Variants in KLHL1 observed in about 807,000 individuals in gnomAD.
KLHL1 encodes the protein kelch like family member 1.
Under a neutral mutation model 77.7 loss-of-function variants are expected in KLHL1, and 47 were observed. That is an observed-to-expected ratio of 0.60 (90% CI 0.48 to 0.77). KLHL1 has a LOEUF of 0.77. Among genes scored for constraint, KLHL1 ranks in the 30% least tolerant of loss-of-function variants. KLHL1 has a pLI of 0.00. For synonymous variants in KLHL1, 360 were observed against 325.2 expected (o/e 1.11, Z -1.15); for missense variants, 925 against 910.8 (o/e 1.02, Z -0.20).
At chr13:69,994,812 A>G (rs556542645) in intron 1 of KLHL1, among the ~76,000 whole-genome samples, 1 of 152,050 alleles carries the variant, frequency 6.6e-6, no homozygotes, top group African/African-American at 2.4e-5. Context: ...TAGAGGAAAA[A>G]TTTTTTTAAA....
intron 7 of KLHL1, among the ~76,000 whole-genome samples, chr13:69,778,086 T>TAAAG (rs1334051788): frequency 6.6e-6 from 1 of 151,976 alleles, no homozygotes; most frequent in Non-Finnish European, 1.5e-5. Flanking sequence ...AAATAGGCAC[T>TAAAG]AAAGAAGATA....
At chr13:69,889,970 A>T (rs1489885200) in intron 4 of KLHL1, among the ~76,000 whole-genome samples, 1 of 151,830 alleles carries the variant, frequency 6.6e-6, no homozygotes, top group Non-Finnish European at 1.5e-5. Context: ...TATTTTTCTG[A>T]TTATTCAGTC....
chr13:69,764,929 C>CTTTTTTTTTTTTTTATTTTTTTTTT (rs1875207945), intron 7 of KLHL1, among the ~76,000 whole-genome samples: 1 of 39,714 alleles, frequency 2.5e-5, no homozygotes, highest in Non-Finnish European at 4.5e-5. Context: ...TATATCTTTG[C>CTTTTTTTTTTTTTTATTTTTTTTTT]TTTTTTTTTT....
chr13:69,975,854 A>T, intron 1 of KLHL1, 52 bp from the exon 2 acceptor site: 1 of 1,485,506 alleles, frequency 6.7e-7, no homozygotes, highest in Non-Finnish European at 8.9e-7. Context: ...AGGGATTTAT[A>T]AAGAGCCAAT....
chr13:70,005,264 G>T (rs1025917185), intron 1 of KLHL1, among the ~76,000 whole-genome samples: 2 of 151,880 alleles, frequency 1.3e-5, no homozygotes, highest in Non-Finnish European at 2.9e-5. Flanking sequence ...ATGAGCAATA[G>T]TAAAAAAATG....
intron 5 of KLHL1, among the ~76,000 whole-genome samples, chr13:69,870,155 A>T (rs576361091): frequency 6.6e-6 from 1 of 152,272 alleles, no homozygotes; most frequent in South Asian, 2.1e-4. Context: ...TGCACACTTT[A>T]CAAGAGGCAT....
chr13:69,740,088 G>T (rs963141661), intron 8 of KLHL1, among the ~76,000 whole-genome samples: 3 of 152,130 alleles, frequency 2.0e-5, no homozygotes, highest in Non-Finnish European at 2.9e-5. Context: ...ATTATGTAAA[G>T]AAAGATATAT....
At chr13:69,939,366 T>C (rs1362686441) in intron 4 of KLHL1, among the ~76,000 whole-genome samples, 2 of 90,838 alleles carry the variant, frequency 2.2e-5, no homozygotes, top group African/African-American at 8.5e-5. Context: ...TATATATATA[T>C]ATATATATAT....
At chr13:69,751,988 G>T (rs529119610) in intron 7 of KLHL1, among the ~76,000 whole-genome samples, 1 of 152,128 alleles carries the variant, frequency 6.6e-6, no homozygotes, top group East Asian at 1.9e-4. Context: ...ATTACAACCT[G>T]GCAATGTGAC....
intron 4 of KLHL1, among the ~76,000 whole-genome samples, chr13:69,936,540 G>A (rs1593965677): frequency 7.1e-6 from 1 of 141,090 alleles, no homozygotes; most frequent in East Asian, 2.1e-4. Context: ...AGTGAGTGGA[G>A]ATTACGCCTC....
intron 9 of KLHL1, among the ~76,000 whole-genome samples, chr13:69,713,883 T>C (rs1875991201): frequency 6.6e-6 from 1 of 152,126 alleles, no homozygotes; most frequent in Non-Finnish European, 1.5e-5. Flanking sequence ...AACCTTGAAA[T>C]AGTTTTGAGT....
intron 4 of KLHL1, among the ~76,000 whole-genome samples, chr13:69,935,462 G>A (rs1169473016): frequency 1.3e-5 from 2 of 152,048 alleles, no homozygotes; most frequent in Admixed American, 6.6e-5. Context: ...TATAAAGCCA[G>A]GAACTAAACA....
intron 5 of KLHL1, among the ~76,000 whole-genome samples, chr13:69,873,764 T>C (rs1880668478): frequency 6.6e-6 from 1 of 152,130 alleles, no homozygotes; most frequent in African/African-American, 2.4e-5. Context: ...AGTATATATA[T>C]TTAAAAAAGT....
chr13:69,729,319 A>G (rs1873439853), intron 8 of KLHL1, among the ~76,000 whole-genome samples: 1 of 152,150 alleles, frequency 6.6e-6, no homozygotes, highest in Non-Finnish European at 1.5e-5. Context: ...GTCAGAACAC[A>G]CTCATTAATT....
intron 1 of KLHL1, among the ~76,000 whole-genome samples, chr13:70,007,650 C>T (rs916473576): frequency 6.6e-6 from 1 of 152,000 alleles, no homozygotes; most frequent in African/African-American, 2.4e-5. Flanking sequence ...TGTAAGGTAT[C>T]TATTTAAGCT....
chr13:69,735,744 A>C (rs1480493641), intron 8 of KLHL1, among the ~76,000 whole-genome samples: 1 of 151,764 alleles, frequency 6.6e-6, no homozygotes, highest in Non-Finnish European at 1.5e-5. Flanking sequence ...TAGAGATCCC[A>C]CATCTTTCTC....
At chr13:70,107,141 A>C in intron 1 of KLHL1, 62 bp downstream of exon 1, 1 of 1,526,592 alleles carries the variant, frequency 6.6e-7, no homozygotes, top group Non-Finnish European at 8.8e-7. Flanking sequence ...CCACATGAGC[A>C]CACGCGGTGA....
intron 7 of KLHL1, among the ~76,000 whole-genome samples, chr13:69,777,008 CCCA>C (rs1240545182): frequency 6.6e-6 from 1 of 152,016 alleles, no homozygotes; most frequent in Non-Finnish European, 1.5e-5. Flanking sequence ...TCCCATAATC[CCCA>C]CGTGTCATGG....
At chr13:69,898,678 C>T (rs1245179069) in intron 4 of KLHL1, among the ~76,000 whole-genome samples, 1 of 152,188 alleles carries the variant, frequency 6.6e-6, no homozygotes, top group Non-Finnish European at 1.5e-5. Flanking sequence ...AAAGGACTTG[C>T]TGACATTAGG....
Sources: allele counts gnomAD v4.1 joint callset (sites outside exome capture counted in the v4.1 genomes callset), GRCh38; gene constraint gnomAD v4.1.1; transcripts MANE v1.5; gene names NCBI Gene and HGNC (gene_info 2026-07-23, HGNC 2026-07-21).